The following DEPDC7 variants were observed in gnomAD, a reference collection of about 807,000 sequenced individuals.
DEPDC7 encodes the protein DEP domain containing 7, also known as DEP domain-containing protein 7.
DEPDC7 carries 41 observed loss-of-function variants against 56.6 expected under a neutral mutation model. That is an observed-to-expected ratio of 0.72 (90% CI 0.56 to 0.94). DEPDC7 has a LOEUF of 0.94. DEPDC7 is among the 40% of genes least tolerant of loss of function. The pLI is 0.00. For synonymous variants in DEPDC7, 185 were observed against 208.8 expected (o/e 0.89, Z 0.98); for missense variants, 522 against 596.3 (o/e 0.88, Z 1.30).
chr11:33,028,113 T>C (rs2133664884), intron 3 of DEPDC7: 1 of 237,156 alleles, frequency 4.2e-6, no homozygotes, highest in Admixed American at 5.6e-5. Flanking sequence ...TTCCTAAGAT[T>C]TTATTAGGTC....
chr11:33,016,131 G>A, intron 1 of DEPDC7, 103 bp downstream of exon 1: 2 of 1,238,602 alleles, frequency 1.6e-6, no homozygotes, highest in Non-Finnish European at 2.0e-6. Flanking sequence ...GGCCGCCTGC[G>A]CCTGTCAACG....
intron 2 of DEPDC7, chr11:33,026,564 A>G: frequency 5.5e-6 from 1 of 182,640 alleles, no homozygotes. Context: ...TGAAGCTCTT[A>G]TATCAGATCT....
chr11:33,033,207 G>A, intron 8 of DEPDC7, 55 bp from the exon 9 acceptor site: 1 of 1,309,250 alleles, frequency 7.6e-7, no homozygotes, highest in South Asian at 1.3e-5. Context: ...TGATTTTTCT[G>A]CTTAAATATG....
At position 33,027,832 on chromosome 11, in the gene DEPDC7, AAAGT is replaced by A. The variant is rs772108819; in HGVS notation, c.592+23_592+26del. On this transcript the variant is annotated intron_variant, in intron 3 of 8. Coordinates refer to ENST00000241051, the MANE Select transcript of DEPDC7 (RefSeq NM_001077242.2). The stretch of plus-strand genomic sequence containing the variant: ...CCACAAGGTAAGCTAAGGATGAAGC[AAAGT>A]AAGAAGTAGAAGACAAACTTCAAAG... 69 of 1,516,972 alleles carry A rather than the reference AAAGT, an allele frequency of 4.5e-5. No individual in the cohort carries two copies. Among genetic ancestry groups the A allele is most frequent in the Non-Finnish European group, 8.8e-6 (10 of 1,140,532 alleles). The allele number at this position is 1,516,972 out of a possible 1,614,324, so 94.0% of individuals were successfully genotyped here.
In DEPDC7 at chr11:33,028,611, G is replaced by GTT; in HGVS notation, c.601_602insTT (p.Glu201ValfsTer16). 6.3e-7 allele frequency: 1 copy of GTT among 1,592,998 alleles called. No homozygotes were observed. The highest frequency in any genetic ancestry group is 1.1e-5 in the South Asian group (1 of 87,178). ...TCATTTTTCCTGTGTAGTTATTAAT[G>GTT]AAGTGTGGCAAGAAGAAACAATTGG... is the stretch of plus-strand genomic sequence containing the variant. On this transcript the variant is annotated frameshift_variant, in exon 4 of 9. Transcript: ENST00000241051. LOFTEE classifies it high-confidence loss of function.
rs767410958 is a variant in DEPDC7 at position 33,031,396 on chromosome 11, G to A, written c.801G>A (p.Ser267=). 1.5e-5 allele frequency: 25 copies of A among 1,613,924 alleles called. No homozygotes were observed. The Middle Eastern group carries it at 4.9e-4, about 32-fold the overall frequency. ...YSDSQEDEWL[S]AAIDCLEYLP... ...CCTATAGGGAAGATGAGTGGCTCTC[G>A]GCAGCAATTGACTGTTTAGAATACC... Residue 267 remains serine, a synonymous_variant, in exon 5 of 9, where the codon TCG becomes TCA. Coordinates refer to ENST00000241051, the MANE Select transcript of DEPDC7 (RefSeq NM_001077242.2).
Position 33,019,335 on chromosome 11 carries a change from A to G in DEPDC7, c.73+3307A>G, listed in dbSNP as rs73476660. On this transcript the variant is annotated intron_variant, in intron 1 of 8. Coordinates refer to ENST00000241051, the MANE Select transcript of DEPDC7 (RefSeq NM_001077242.2). Reference sequence around the variant, plus strand: ...GACATGTCCTGTTGGGGGTATAATCACCCACTGAGAACCACTGGGTTAACC... The same window carrying G: ...GACATGTCCTGTTGGGGGTATAATCGCCCACTGAGAACCACTGGGTTAACC... Among the ~76,000 whole-genome samples, 573 of 152,174 alleles carry G rather than the reference A, an allele frequency of 3.8e-3. 6 individuals carry two copies. The highest frequency in any genetic ancestry group is 0.013 in the African/African-American group (537 of 41,484).
chr11:33,028,419 TCTC>T (rs1365403881), intron 3 of DEPDC7, 181 bp from the exon 4 acceptor site: 4 of 472,818 alleles, frequency 8.5e-6, no homozygotes, highest in African/African-American at 8.0e-5. Flanking sequence ...CAAAGCCTAT[TCTC>T]CTACACTCTA....
intron 1 of DEPDC7, among the ~76,000 whole-genome samples, chr11:33,017,772 T>C (rs1435148932): frequency 6.6e-6 from 1 of 152,216 alleles, no homozygotes; most frequent in Non-Finnish European, 1.5e-5. Flanking sequence ...CTCACTTACC[T>C]TAAAGGGGCT....
At chr11:33,033,036 G>A in intron 8 of DEPDC7, 69 bp downstream of exon 8, 1 of 1,284,664 alleles carries the variant, frequency 7.8e-7, no homozygotes, top group Non-Finnish European at 1.1e-6. Context: ...AAAATGTTTT[G>A]CTATAAGTAG....
chr11:33,017,294 C>A (rs1853474470), intron 1 of DEPDC7, among the ~76,000 whole-genome samples: 1 of 152,186 alleles, frequency 6.6e-6, no homozygotes, highest in African/African-American at 2.4e-5. Context: ...CTTGAGAAAT[C>A]TTTTGGGCCC....
rs754095622 is a variant in DEPDC7 at position 33,032,678 on chromosome 11, G to A, written c.1148G>A (p.Arg383Gln). ...EFKLQKESDN[R>Q]MVVKRIFSKA... ...GTTTTATTTTTATAGAGTGACAACC[G>A]AATGGTTGTGAAAAGGATATTCTCA... Residue 383 changes from arginine (R) to glutamine (Q), a missense_variant, in exon 7 of 9, where the codon CGA becomes CAA. By Grantham distance (43) the Arg-to-Gln change is conservative. Coordinates refer to ENST00000241051, the MANE Select transcript of DEPDC7 (RefSeq NM_001077242.2). 20 of 1,580,484 alleles carry A rather than the reference G, an allele frequency of 1.3e-5. No individual in the cohort carries two copies. The highest frequency in any genetic ancestry group is 1.7e-4 in the Middle Eastern group (1 of 5,880).
At chr11:33,016,244 C>A in intron 1 of DEPDC7, 1 of 1,325,008 alleles carries the variant, frequency 7.5e-7, no homozygotes, top group Non-Finnish European at 9.6e-7. Flanking sequence ...AGCGGCAGAG[C>A]CCGCCCGCAC....
At chr11:33,025,041 T>TG (rs1186226608) in intron 1 of DEPDC7, among the ~76,000 whole-genome samples, 1 of 152,142 alleles carries the variant, frequency 6.6e-6, no homozygotes, top group African/African-American at 2.4e-5. Context: ...TATACATAAC[T>TG]GGTAACTGCC....
At position 33,028,793 on chromosome 11, in the gene DEPDC7, G is replaced by GGA; in HGVS notation, c.782+1_782+2insGA. 1 of 1,595,034 alleles carries GGA rather than the reference G, an allele frequency of 6.3e-7. No homozygotes were observed. The highest frequency in any genetic ancestry group is 8.5e-7 in the Non-Finnish European group (1 of 1,172,844). On this transcript the variant is annotated splice_donor_variant, in intron 4 of 8. Transcript: ENST00000241051. LOFTEE classifies it high-confidence loss of function. The stretch of plus-strand genomic sequence containing the variant: ...TTCTCAAGGCTTATAGTGACTCTCA[G>GGA]TATGTGGAAATACATATAATAATTT...
chr11:33,025,523 C>A, intron 1 of DEPDC7, 136 bp from the exon 2 acceptor site: 1 of 798,228 alleles, frequency 1.3e-6, no homozygotes, highest in Non-Finnish European at 2.0e-6. Context: ...AACAGTATTT[C>A]AGTAAGCTAC....
At position 33,025,642 on chromosome 11, in the gene DEPDC7, G is replaced by T; in HGVS notation, c.74-17G>T. 6.3e-7 allele frequency: 1 copy of T among 1,586,502 alleles called. No individual in the cohort carries two copies. The highest frequency in any genetic ancestry group is 1.1e-5 in the South Asian group (1 of 88,618). ...AGGTACTAAATCCCAGTTTCTCTAT[G>T]ATTTTTCTCCTTCTAGGTTTCAGTG... On this transcript the variant is annotated splice_polypyrimidine_tract_variant and intron_variant, in intron 1 of 8. Coordinates refer to ENST00000241051, the MANE Select transcript of DEPDC7 (RefSeq NM_001077242.2).
chr11:33,021,745 G>T (rs1590207076), intron 1 of DEPDC7, among the ~76,000 whole-genome samples: 2 of 152,192 alleles, frequency 1.3e-5, no homozygotes, highest in Non-Finnish European at 2.9e-5. Flanking sequence ...ACCTGTGAGG[G>T]CTGCATTGTA....
intron 5 of DEPDC7, 59 bp downstream of exon 5, chr11:33,031,648 A>T (rs746345212): frequency 7.1e-7 from 1 of 1,405,088 alleles, no homozygotes; most frequent in African/African-American, 1.4e-5. Context: ...AGAAAAAGTT[A>T]GTTCTCAAAC....
Sources: allele counts gnomAD v4.1 joint callset (sites outside exome capture counted in the v4.1 genomes callset), GRCh38; gene constraint gnomAD v4.1.1; transcripts MANE v1.5; gene names NCBI Gene and HGNC (gene_info 2026-07-23, HGNC 2026-07-21).